The following IGF2R variants were observed in gnomAD, a reference collection of about 807,000 sequenced individuals.
The protein encoded by IGF2R is cation-independent mannose-6-phosphate receptor.
Under a neutral mutation model 270.6 loss-of-function variants are expected in IGF2R, and 91 were observed. The ratio of observed to expected loss-of-function variants is 0.34; its 90% CI spans 0.28 to 0.40. IGF2R has a LOEUF of 0.40. IGF2R is among the 10% of genes least tolerant of loss of function. The pLI, the probability that IGF2R is intolerant of heterozygous loss-of-function variation, is 1.00. For synonymous variants in IGF2R, 1,316 were observed against 1,258.9 expected, an observed-to-expected ratio of 1.05 and a Z score of -0.96; for missense variants, 2,805 against 3,188.3, an observed-to-expected ratio of 0.88 and a Z score of 2.90.
rs1779716515 is a variant in IGF2R at position 160,110,295 on chromosome 6, T to C, written c.*5211T>C. ...GGGTGGTCTGTATGAGACCACACCG[T>C]TGATGAGCAGTGAGGCCCAAACAGG... On this transcript the variant is annotated 3_prime_UTR_variant, in exon 48 of 48. Transcript: ENST00000356956. The C allele has an allele frequency of 6.6e-6, 1 of 152,214 alleles. No homozygotes were observed. Among genetic ancestry groups the C allele is most frequent in the Non-Finnish European group, 1.5e-5 (1 of 68,052 alleles). The allele number at this position is 152,214 out of a possible 1,614,324, so 9.4% of individuals were successfully genotyped here.
intron 2 of IGF2R, among the ~76,000 whole-genome samples, chr6:159,997,323 C>A (rs1264888511): frequency 6.6e-6 from 1 of 152,160 alleles, no homozygotes; most frequent in Admixed American, 6.5e-5. Flanking sequence ...TCAGCAGGTG[C>A]CAAGAAAGGT....
intron 4 of IGF2R, among the ~76,000 whole-genome samples, chr6:160,020,668 A>G (rs748817122): frequency 3.9e-5 from 6 of 152,224 alleles, no homozygotes; most frequent in Admixed American, 6.5e-5. Context: ...GATCTTTGAC[A>G]CAGTTGACAA....
chr6:160,015,542 C>T (rs1217443872), intron 4 of IGF2R, among the ~76,000 whole-genome samples: 2 of 152,178 alleles, frequency 1.3e-5, no homozygotes, highest in African/African-American at 2.4e-5. Flanking sequence ...GATGTGGGTG[C>T]TCCTACTTCA....
chr6:160,062,168 ATTTTTTTTTTTTT>A (rs34356477), intron 25 of IGF2R, among the ~76,000 whole-genome samples: 1 of 106,620 alleles, frequency 9.4e-6, no homozygotes. Flanking sequence ...CATTTATTTA[ATTTTTTTTTTTTT>A]TTTTTTTTTT....
rs57759831 is a variant in IGF2R at position 160,065,782 on chromosome 6, A to ATGTGTGTG, written c.4115+907_4115+914dup. ...AAGCATTTTTCCTAGAGATATGTGT[A>ATGTGTGTG]TGTGTGTGTGTGTGTGTGTGTGTGT... On this transcript the variant is annotated intron_variant, in intron 29 of 47. Transcript: ENST00000356956. Among the ~76,000 whole-genome samples the ATGTGTGTG allele has an allele frequency of 2.0e-3, 182 of 93,066 alleles. 2 individuals are homozygous for ATGTGTGTG. Among genetic ancestry groups the ATGTGTGTG allele is most frequent in the East Asian group, 4.6e-3 (16 of 3,504 alleles). The allele number at this position is 93,066 out of a possible 152,430, so 61.1% of individuals were successfully genotyped here.
rs761523894 is a variant in IGF2R, at chr6:159,998,534, G to A, written c.289+7211G>A. On this transcript the variant is annotated intron_variant, in intron 2 of 47. Transcript: ENST00000356956. This position sits in a 1 kb window ranked among gnomAD's most constrained non-coding sequence, Gnocchi z 4.1. ...AAGCTGGCCCCGTGGAATAGGAAACGATGCCTACAGGGGAGATACCAAAGA... is the reference window on the plus strand; with the variant it reads ...AAGCTGGCCCCGTGGAATAGGAAACAATGCCTACAGGGGAGATACCAAAGA... Among the ~76,000 whole-genome samples the A allele has an allele frequency of 6.6e-6, 1 of 152,170 alleles. No individual in the cohort carries two copies. The highest frequency in any genetic ancestry group is 1.5e-5 in the Non-Finnish European group (1 of 68,022).
chr6:160,019,630 G>T (rs1194224235), intron 4 of IGF2R, among the ~76,000 whole-genome samples: 2 of 152,142 alleles, frequency 1.3e-5, no homozygotes, highest in Admixed American at 6.5e-5. Context: ...GATCAAGTGG[G>T]TTTTATTCCA....
Position 160,106,395 on chromosome 6 carries a change from G to A in IGF2R, c.*1311G>A, listed in dbSNP as rs558202098. On this transcript the variant is annotated 3_prime_UTR_variant, in exon 48 of 48. Transcript: ENST00000356956. ...GTGTTCTATTGCTGAGAAGCAAACC[G>A]CCCTGCAGCATCCCTCAGCCTGTAC... The A allele has an allele frequency of 1.2e-4, 19 of 152,720 alleles. No individual in the cohort carries two copies. In the East Asian group the frequency reaches 2.3e-3, roughly 19 times the overall value. 9.5% of individuals were successfully genotyped at this position (152,720 alleles called of 1,614,324 possible). A position where few individuals can be genotyped will look rare whatever the true frequency, so the allele number is the denominator to read the frequency against.
intron 29 of IGF2R, among the ~76,000 whole-genome samples, chr6:160,066,527 A>G (rs934434737): frequency 4.6e-5 from 7 of 152,302 alleles, no homozygotes; most frequent in Admixed American, 3.9e-4. Flanking sequence ...TCTCATAATA[A>G]AAGTTAATAT....
chr6:160,039,033 G>A (rs1244271265), intron 10 of IGF2R, among the ~76,000 whole-genome samples: 1 of 152,182 alleles, frequency 6.6e-6, no homozygotes, highest in South Asian at 2.1e-4. Context: ...TTGCCATGGG[G>A]TTTTGAGGAT....
In IGF2R at chr6:160,111,176, T is replaced by A. The variant is rs1035303400; in HGVS notation, c.*6092T>A. The A allele has an allele frequency of 1.3e-5, 2 of 152,174 alleles. No homozygotes were observed. Among genetic ancestry groups the A allele is most frequent in the Admixed American group, 1.3e-4 (2 of 15,292 alleles). 9.4% of individuals were successfully genotyped at this position (152,174 alleles called of 1,614,324 possible). A position where few individuals can be genotyped will look rare whatever the true frequency, so the allele number is the denominator to read the frequency against. ...TCTCAAAACATCATGTTGTACAACATAAGTATACAATTGACCCTTGAACAA... is the reference window on the plus strand; with the variant it reads ...TCTCAAAACATCATGTTGTACAACAAAAGTATACAATTGACCCTTGAACAA... On this transcript the variant is annotated 3_prime_UTR_variant, in exon 48 of 48. Transcript: ENST00000356956.
At chr6:160,013,660 T>A (rs1784373785) in intron 4 of IGF2R, among the ~76,000 whole-genome samples, 1 of 152,206 alleles carries the variant, frequency 6.6e-6, no homozygotes, top group Non-Finnish European at 1.5e-5. Flanking sequence ...CAGTAGGAAT[T>A]TTGTTAAATT....
Position 160,102,081 on chromosome 6 carries a change from G to T in IGF2R, c.6843-438G>T, listed in dbSNP as rs8191941. Among the ~76,000 whole-genome samples, 2 of 152,218 alleles carry T rather than the reference G, an allele frequency of 1.3e-5. No individual in the cohort carries two copies. The highest frequency in any genetic ancestry group is 2.9e-5 in the Non-Finnish European group (2 of 68,026). ...CCTGGGCCCCTTTCGTGTGGAGATGGTGTCTCATGGTGGGCTGCGCTCACT... is the reference window on the plus strand; with the variant it reads ...CCTGGGCCCCTTTCGTGTGGAGATGTTGTCTCATGGTGGGCTGCGCTCACT... On this transcript the variant is annotated intron_variant, in intron 45 of 47. Transcript: ENST00000356956. The surrounding 1 kb of genome is among the most constrained non-coding windows in gnomAD (Gnocchi z 4.5).
chr6:159,979,339 A>G (rs1783743622), intron 1 of IGF2R, among the ~76,000 whole-genome samples: 1 of 152,180 alleles, frequency 6.6e-6, no homozygotes, highest in Non-Finnish European at 1.5e-5. Flanking sequence ...TAGAAGTGCT[A>G]AAGTAGTGAG....
At chr6:160,087,393 GC>G (rs1236922740) in intron 41 of IGF2R, among the ~76,000 whole-genome samples, 2 of 152,180 alleles carry the variant, frequency 1.3e-5, no homozygotes, top group African/African-American at 2.4e-5. Context: ...TTCTATACAT[GC>G]CCGAAACCTG....
At chr6:160,012,163 TG>T (rs1784344506) in intron 4 of IGF2R, among the ~76,000 whole-genome samples, 1 of 149,026 alleles carries the variant, frequency 6.7e-6, no homozygotes, top group African/African-American at 2.5e-5. Context: ...AAGTTTAAAG[TG>T]GAAAGAATTA....
intron 39 of IGF2R, among the ~76,000 whole-genome samples, chr6:160,082,655 A>AT (rs1464694180): frequency 6.6e-6 from 1 of 152,180 alleles, no homozygotes; most frequent in Non-Finnish European, 1.5e-5. Flanking sequence ...CAAATATTGA[A>AT]TACCCGTGTG....
chr6:160,089,940 G>T lies in IGF2R; in HGVS notation c.6492G>T (p.Met2164Ile). Residue 2164 changes from methionine to isoleucine, a missense_variant, in exon 44 of 48, where the codon ATG (methionine) becomes ATT (isoleucine). Around this residue, in one of 2 missense-constraint regions of IGF2R, gnomAD observed 1,851 missense variants for 2,207.2 expected, o/e 0.84. Transcript: ENST00000356956. ...GGCTGTTCAGAGCCTCTGGGGACAT[G>T]AGGACCAATGGGGACAACTACCTGT... ...YFKLFRASGD[M>I]RTNGDNYLYE... is the part of the protein sequence containing the mutation. 1 of 1,593,508 alleles carries T rather than the reference G, an allele frequency of 6.3e-7. No homozygotes were observed. The highest frequency in any genetic ancestry group is 1.1e-5 in the South Asian group (1 of 87,664).
intron 31 of IGF2R, among the ~76,000 whole-genome samples, chr6:160,070,668 T>C (rs1343730382): frequency 2.0e-5 from 3 of 152,132 alleles, no homozygotes; most frequent in Admixed American, 2.0e-4. Context: ...GGTTTTTCTG[T>C]GTGTGAGATT....
Sources: allele counts gnomAD v4.1 joint callset (sites outside exome capture counted in the v4.1 genomes callset), GRCh38; gene constraint gnomAD v4.1.1; regional missense constraint gnomAD v4.1.1; non-coding constraint Gnocchi (gnomAD v3.1); transcripts MANE v1.5; gene names NCBI Gene and HGNC (gene_info 2026-07-23, HGNC 2026-07-21).